Variants in FMNL2 observed in about 807,000 individuals in gnomAD.
The protein encoded by FMNL2 is formin-like protein 2.
Under a neutral mutation model 130.2 loss-of-function variants are expected in FMNL2, and 51 were observed. The observed-to-expected ratio is 0.39, with a 90% CI of 0.31 to 0.49. FMNL2 has a LOEUF of 0.49. Ranked by LOEUF, FMNL2 falls within the 20% of genes least tolerant of loss-of-function variation. FMNL2 has a pLI of 0.85. For missense variants in FMNL2, 977 were observed against 1,316.2 expected (o/e 0.74, Z 3.99); for synonymous variants, 465 against 467.1 (o/e 1.00, Z 0.06).
chr2:152,509,149 C>T (rs1210462189), intron 1 of FMNL2, among the ~76,000 whole-genome samples: 1 of 152,182 alleles, frequency 6.6e-6, no homozygotes, highest in African/African-American at 2.4e-5. Flanking sequence ...CCAGGCATAA[C>T]TCAAATGACA....
intron 11 of FMNL2, among the ~76,000 whole-genome samples, chr2:152,612,220 T>C (rs370640643): frequency 6.6e-6 from 1 of 152,168 alleles, no homozygotes; most frequent in Non-Finnish European, 1.5e-5. Context: ...CAGAAACTTG[T>C]GAAAATCAGA....
At chr2:152,377,356 T>C (rs954200798) in intron 1 of FMNL2, among the ~76,000 whole-genome samples, 4 of 152,236 alleles carry the variant, frequency 2.6e-5, no homozygotes, top group African/African-American at 7.2e-5. Flanking sequence ...AATTCTCAGA[T>C]AAGCATCTCA....
intron 1 of FMNL2, among the ~76,000 whole-genome samples, chr2:152,508,473 G>A (rs927738902): frequency 1.3e-5 from 2 of 152,210 alleles, no homozygotes; most frequent in African/African-American, 4.8e-5. Context: ...ATTAGGTACT[G>A]GATGAAGTGC....
intron 19 of FMNL2, 41 bp from the exon 20 acceptor site, chr2:152,629,784 G>A (rs1453765680): frequency 5.6e-6 from 9 of 1,606,554 alleles, no homozygotes; most frequent in Non-Finnish European, 7.7e-6. Context: ...AGTGCCTGAT[G>A]TGCTGTACTG....
intron 1 of FMNL2, among the ~76,000 whole-genome samples, chr2:152,424,238 A>G (rs547312000): frequency 6.6e-6 from 1 of 151,992 alleles, no homozygotes; most frequent in South Asian, 2.1e-4. Flanking sequence ...ACATGAAGGA[A>G]CCCGGGCTGG....
intron 1 of FMNL2, among the ~76,000 whole-genome samples, chr2:152,370,066 A>G (rs1458437395): frequency 6.6e-6 from 1 of 152,228 alleles, no homozygotes; most frequent in Non-Finnish European, 1.5e-5. Flanking sequence ...TCTGATGACT[A>G]AAGATAATTT....
At chr2:152,611,654 T>A in intron 11 of FMNL2, 49 bp downstream of exon 11, 1 of 1,208,988 alleles carries the variant, frequency 8.3e-7, no homozygotes, top group Non-Finnish European at 1.2e-6. Flanking sequence ...TGACTTATTA[T>A]TGCCTGCCCT....
At chr2:152,470,983 G>C (rs1579744308) in intron 1 of FMNL2, among the ~76,000 whole-genome samples, 2 of 152,270 alleles carry the variant, frequency 1.3e-5, no homozygotes, top group East Asian at 3.9e-4. Flanking sequence ...CCTACCACCA[G>C]CTAACTGTCA....
chr2:152,352,807 C>A (rs1682576214), intron 1 of FMNL2, among the ~76,000 whole-genome samples: 1 of 151,260 alleles, frequency 6.6e-6, no homozygotes, highest in South Asian at 2.1e-4. Flanking sequence ...TTTTTAAATG[C>A]CCCTAGTAAA....
chr2:152,574,177 C>G (rs1478741259), intron 6 of FMNL2, among the ~76,000 whole-genome samples: 1 of 152,178 alleles, frequency 6.6e-6, no homozygotes, highest in Admixed American at 6.5e-5. Flanking sequence ...GTGGCTAACG[C>G]CTGTAACCCC....
At chr2:152,463,192 A>G (rs1201628454) in intron 1 of FMNL2, among the ~76,000 whole-genome samples, 1 of 152,236 alleles carries the variant, frequency 6.6e-6, no homozygotes, top group Non-Finnish European at 1.5e-5. Context: ...AATGGAGACC[A>G]ACATTTATAC....
intron 18 of FMNL2, among the ~76,000 whole-genome samples, chr2:152,628,923 C>G (rs191757953): frequency 1.6e-4 from 24 of 152,290 alleles, no homozygotes; most frequent in African/African-American, 4.3e-4. Context: ...GTTGCCTCAT[C>G]TTTAGTGAGC....
chr2:152,349,394 G>A (rs1682341297), intron 1 of FMNL2, among the ~76,000 whole-genome samples: 3 of 152,202 alleles, frequency 2.0e-5, no homozygotes, highest in Admixed American at 6.5e-5. Context: ...ATGGGCTGAG[G>A]GTGTTAACGT....
intron 20 of FMNL2, among the ~76,000 whole-genome samples, chr2:152,631,109 G>C (rs1351630614): frequency 1.3e-5 from 2 of 152,106 alleles, no homozygotes; most frequent in African/African-American, 4.8e-5. Flanking sequence ...AAATAGGCCA[G>C]GCCTGGTGGC....
Position 152,438,914 on chromosome 2 carries a change from G to A in FMNL2, c.118-83029G>A, listed in dbSNP as rs1033898134. On this transcript the variant is annotated intron_variant, in intron 1 of 25. Transcript: ENST00000288670. ...AAAATGCCATAATCATCAGTTGCCG[G>A]CACTTATGTTTCTAGTACCCGAGAT... Among the ~76,000 whole-genome samples the A allele has an allele frequency of 6.6e-5, 10 of 152,102 alleles. No homozygotes were observed. The South Asian group carries it at 1.9e-3, about 28-fold the overall frequency.
At chr2:152,501,864 A>G (rs892409737) in intron 1 of FMNL2, among the ~76,000 whole-genome samples, 7 of 152,212 alleles carry the variant, frequency 4.6e-5, no homozygotes, top group Non-Finnish European at 1.0e-4. Context: ...TCCAGTGTAC[A>G]CTTTGAATGT....
intron 1 of FMNL2, among the ~76,000 whole-genome samples, chr2:152,425,438 A>T (rs1189997062): frequency 6.6e-6 from 1 of 152,242 alleles, no homozygotes; most frequent in Non-Finnish European, 1.5e-5. Context: ...ATCTCTGTAC[A>T]TGGCAGTTAT....
At chr2:152,564,965 C>G (rs1457783020) in intron 6 of FMNL2, among the ~76,000 whole-genome samples, 2 of 151,906 alleles carry the variant, frequency 1.3e-5, no homozygotes, top group Admixed American at 6.6e-5. Flanking sequence ...TAGAGGGAAA[C>G]TGTTGCTATT....
At chr2:152,397,249 A>T (rs1166125915) in intron 1 of FMNL2, among the ~76,000 whole-genome samples, 1 of 152,150 alleles carries the variant, frequency 6.6e-6, no homozygotes, top group Non-Finnish European at 1.5e-5. Flanking sequence ...TGAAGAATTT[A>T]AAAAAGTCCC....
Sources: allele counts gnomAD v4.1 joint callset (sites outside exome capture counted in the v4.1 genomes callset), GRCh38; gene constraint gnomAD v4.1.1; transcripts MANE v1.5; gene names NCBI Gene and HGNC (gene_info 2026-07-23, HGNC 2026-07-21).